The following CCSER1 variants were observed in gnomAD, a reference collection of about 807,000 sequenced individuals.
CCSER1 encodes the protein serine-rich coiled-coil domain-containing protein 1.
A neutral mutation model predicts 82.0 loss-of-function variants in CCSER1; 41 were observed. The ratio of observed to expected loss-of-function variants is 0.50; its 90% confidence interval spans 0.39 to 0.65. The LOEUF (loss-of-function observed/expected upper bound fraction) is 0.65, where lower values mean the gene tolerates loss of function less well. CCSER1 is among the 30% of genes least tolerant of loss of function. CCSER1 has a pLI of 0.00. For synonymous variants in CCSER1, 414 were observed against 383.9 expected (o/e 1.08, Z -0.92); for missense variants, 1,119 against 1,064.2 (o/e 1.05, Z -0.72).
intron 10 of CCSER1, among the ~76,000 whole-genome samples, chr4:91,526,807 G>T (rs1760787832): frequency 6.6e-6 from 1 of 152,066 alleles, no homozygotes; most frequent in Non-Finnish European, 1.5e-5. Flanking sequence ...TGGCCAGGGT[G>T]ATCTCGAACT....
At chr4:91,480,907 T>A (rs1757871232) in intron 10 of CCSER1, among the ~76,000 whole-genome samples, 1 of 152,078 alleles carries the variant, frequency 6.6e-6, no homozygotes, top group African/African-American at 2.4e-5. Context: ...CTACTGGGAG[T>A]ACATTTTTGT....
In CCSER1 at chr4:90,970,604, G is replaced by A. The variant is rs567543579; in HGVS notation, c.2172+47157G>A. 5.9e-5 allele frequency among the ~76,000 whole-genome samples: 9 copies of A among 152,042 alleles called. No individual in the cohort carries two copies. The South Asian group carries it at 6.2e-4, about 10-fold the overall frequency. On this transcript the variant is annotated intron_variant, in intron 9 of 10. Transcript: ENST00000509176. ...ATAACATTATAGACCACATGGGCTC[G>A]ACAGACATTTTATCCAACAGCAGCA...
At chr4:91,344,506 G>T (rs2149291387) in intron 10 of CCSER1, among the ~76,000 whole-genome samples, 1 of 152,262 alleles carries the variant, frequency 6.6e-6, no homozygotes, top group African/African-American at 2.4e-5. Flanking sequence ...TGGTTTATAA[G>T]TGTTTTAAAA....
chr4:91,148,881 T>C (rs1215828535), intron 10 of CCSER1, among the ~76,000 whole-genome samples: 1 of 152,196 alleles, frequency 6.6e-6, no homozygotes, highest in Admixed American at 6.5e-5. Flanking sequence ...ATCCAGTCTA[T>C]CATTGATGGA....
intron 1 of CCSER1, among the ~76,000 whole-genome samples, chr4:90,236,525 C>G (rs1006558071): frequency 6.6e-6 from 1 of 151,966 alleles, no homozygotes; most frequent in African/African-American, 2.4e-5. Context: ...TTATTTGAGG[C>G]CAGTGAAAGT....
At chr4:91,158,985 A>G (rs538973275) in intron 10 of CCSER1, among the ~76,000 whole-genome samples, 6 of 151,800 alleles carry the variant, frequency 4.0e-5, no homozygotes, top group African/African-American at 1.4e-4. Context: ...TTATTCTCTC[A>G]CTCTAGGTCT....
chr4:90,477,385 G>A (rs138773603), intron 5 of CCSER1, among the ~76,000 whole-genome samples: 1 of 152,242 alleles, frequency 6.6e-6, no homozygotes, highest in East Asian at 1.9e-4. Context: ...AATAGCACCT[G>A]CTTTGTAAGG....
At chr4:91,014,140 T>G (rs549389226) in intron 9 of CCSER1, among the ~76,000 whole-genome samples, 2 of 124,296 alleles carry the variant, frequency 1.6e-5, no homozygotes, top group Non-Finnish European at 3.7e-5. Context: ...GGGATTTTAC[T>G]TTATTTCTGC....
chr4:90,803,496 A>G (rs925786604), intron 7 of CCSER1, among the ~76,000 whole-genome samples: 1 of 152,162 alleles, frequency 6.6e-6, no homozygotes, highest in African/African-American at 2.4e-5. Flanking sequence ...TTTGCTGAGA[A>G]TGATGGTTTC....
intron 5 of CCSER1, among the ~76,000 whole-genome samples, chr4:90,517,678 A>C (rs1461705705): frequency 6.6e-6 from 1 of 152,170 alleles, no homozygotes; most frequent in South Asian, 2.1e-4. Flanking sequence ...CTAAGAGTGC[A>C]TTGAGGGACT....
chr4:90,343,675 G>A (rs151193274), intron 3 of CCSER1, among the ~76,000 whole-genome samples: 3 of 152,050 alleles, frequency 2.0e-5, no homozygotes, highest in Non-Finnish European at 2.9e-5. Flanking sequence ...ATGGACTTTG[G>A]TGTATTCTCA....
intron 10 of CCSER1, among the ~76,000 whole-genome samples, chr4:91,281,781 T>G (rs925053171): frequency 6.6e-6 from 1 of 152,178 alleles, no homozygotes; most frequent in African/African-American, 2.4e-5. Context: ...TACTTTCTCA[T>G]AGTTTACATT....
chr4:90,227,979 T>C (rs1247434111), intron 1 of CCSER1, among the ~76,000 whole-genome samples: 2 of 152,184 alleles, frequency 1.3e-5, no homozygotes, highest in Non-Finnish European at 2.9e-5. Context: ...CCTACGCCCA[T>C]GGAGTCTCAC....
At chr4:90,798,306 T>C (rs962807312) in intron 7 of CCSER1, among the ~76,000 whole-genome samples, 1 of 152,102 alleles carries the variant, frequency 6.6e-6, no homozygotes, top group African/African-American at 2.4e-5. Flanking sequence ...ATTCCTGTAG[T>C]GTGTTTTTCA....
At chr4:91,156,109 T>C (rs2148965253) in intron 10 of CCSER1, among the ~76,000 whole-genome samples, 1 of 151,938 alleles carries the variant, frequency 6.6e-6, no homozygotes. Flanking sequence ...CATAAGTATA[T>C]AATATTGTTT....
chr4:91,335,766 T>A (rs1361399823), intron 10 of CCSER1, among the ~76,000 whole-genome samples: 1 of 152,018 alleles, frequency 6.6e-6, no homozygotes, highest in Non-Finnish European at 1.5e-5. Context: ...TGGTGGCCAT[T>A]TCTTTAGCAG....
chr4:90,389,045 A>T (rs1750548060), intron 3 of CCSER1, among the ~76,000 whole-genome samples: 1 of 152,238 alleles, frequency 6.6e-6, no homozygotes, highest in South Asian at 2.1e-4. Context: ...AAAAATATCC[A>T]TGCCACAAAA....
intron 10 of CCSER1, chr4:91,319,842 C>T (rs113522364): frequency 1.8e-5 from 7 of 385,968 alleles, no homozygotes; most frequent in East Asian, 1.5e-4. Flanking sequence ...AGTTCCCCCT[C>T]ATCTGCATTT....
chr4:90,588,606 C>T (rs183508513), intron 5 of CCSER1, among the ~76,000 whole-genome samples: 1 of 152,138 alleles, frequency 6.6e-6, no homozygotes, highest in African/African-American at 2.4e-5. Flanking sequence ...GCTTCCTGAC[C>T]TCTTTCATCC....
Sources: gnomAD v4.1 joint callset for allele counts (sites outside exome capture counted in the v4.1 genomes callset) on GRCh38, gnomAD v4.1.1 for gene constraint, MANE v1.5 for transcripts, NCBI Gene and HGNC (gene_info 2026-07-23, HGNC 2026-07-21) for gene names.